The following PANK2 variants were observed in gnomAD, a reference collection of about 807,000 sequenced individuals.
PANK2 encodes the protein pantothenate kinase 2, mitochondrial.
PANK2 carries 36 observed loss-of-function variants against 43.1 expected under a neutral mutation model. The ratio of observed to expected loss-of-function variants is 0.84; its 90% confidence interval spans 0.64 to 1.10. The LOEUF is 1.10. PANK2 is among the 50% of genes least tolerant of loss of function. The pLI is 0.00. For missense variants in PANK2, 576 were observed against 593.3 expected, an observed-to-expected ratio of 0.97 and a Z score of 0.30; for synonymous variants, 281 against 238.2, an observed-to-expected ratio of 1.18 and a Z score of -1.66.
chr20:3,895,429 G>T (rs1322114840), intron 1 of PANK2, among the ~76,000 whole-genome samples: 1 of 151,202 alleles, frequency 6.6e-6, no homozygotes. Flanking sequence ...GTTGCACTGA[G>T]CTATGATCAT....
rs756145631 is a variant in PANK2, at chr20:3,907,951, C to T, written c.324C>T (p.Ile108=). 35 of 1,613,994 alleles carry T rather than the reference C, an allele frequency of 2.2e-5. No individual in the cohort carries two copies. The highest frequency in any genetic ancestry group is 4.5e-5 in the East Asian group (2 of 44,894). The change falls in exon 2 of 7, where the codon ATC becomes ATT. Residue 108 remains isoleucine (I), a synonymous_variant. Coordinates refer to ENST00000610179, the MANE Select transcript of PANK2 (RefSeq NM_001386393.1). ...TTTTTCCATGGTTTGGACTGGATAT[C>T]GGTGGAACTCTGGTCAAGCTGGTAT... is the stretch of plus-strand genomic sequence containing the variant.
intron 3 of PANK2, among the ~76,000 whole-genome samples, chr20:3,911,146 C>T (rs553387495): frequency 1.1e-4 from 16 of 152,282 alleles, no homozygotes; most frequent in Non-Finnish European, 1.9e-4. Context: ...GGAGAAGGCA[C>T]GGGAAAGGAC....
Position 3,889,828 on chromosome 20 carries a change from A to G in PANK2, c.298+100A>G, listed in dbSNP as rs572952471. The stretch of plus-strand genomic sequence containing the variant: ...GCCGCCGTTTTTCCCGCGCGCGGAC[A>G]CTGTCCCCGCACGGTGGTCCCTCGT... On this transcript the variant is annotated intron_variant, in intron 1 of 6. Coordinates refer to ENST00000610179, the MANE Select transcript of PANK2 (RefSeq NM_001386393.1). 2,742 of 1,526,092 alleles carry G rather than the reference A, an allele frequency of 1.8e-3. 34 individuals are homozygous for G. In the African/African-American group the frequency reaches 0.035, roughly 19 times the overall value. 94.5% of individuals were successfully genotyped at this position (1,526,092 alleles called of 1,614,324 possible).
chr20:3,910,683 T>C lies in PANK2; in HGVS notation c.758T>C (p.Phe253Ser), dbSNP rs2146867159. The C allele has an allele frequency of 1.2e-6, 2 of 1,614,190 alleles. No homozygotes were observed. The highest frequency in any genetic ancestry group is 1.1e-5 in the South Asian group (1 of 91,084). Residue 253 changes from phenylalanine to serine, a missense_variant, in exon 3 of 7, where the codon TTT becomes TCT. Physicochemically the swap from Phe to Ser is radical, Grantham distance 155. This residue lies in a region of PANK2 where 544 missense variants were observed against 528.9 expected (regional missense o/e 1.03). Coordinates refer to ENST00000610179, the MANE Select transcript of PANK2 (RefSeq NM_001386393.1). ...AATGGACGGTCACAGTGCTATTACTTTGAAAACCCTGCTGATTCTGAAAAG... is the reference window on the plus strand; with the variant it reads ...AATGGACGGTCACAGTGCTATTACTCTGAAAACCCTGCTGATTCTGAAAAG...
chr20:3,892,954 A>G (rs1211875282), intron 1 of PANK2, among the ~76,000 whole-genome samples: 1 of 152,130 alleles, frequency 6.6e-6, no homozygotes, highest in African/African-American at 2.4e-5. Context: ...GGAGGGGGGT[A>G]TGTCTCGCAG....
chr20:3,892,162 T>C (rs1186450437), intron 1 of PANK2, among the ~76,000 whole-genome samples: 1 of 151,980 alleles, frequency 6.6e-6, no homozygotes, highest in African/African-American at 2.4e-5. Context: ...GGCCAGCATG[T>C]TGAAACCCCG....
chr20:3,908,061 A>G lies in PANK2; in HGVS notation c.434A>G (p.Asn145Ser), dbSNP rs143474105. Residue 145 changes from asparagine to serine, a missense_variant, in exon 2 of 7, where the codon AAT (asparagine) becomes AGT (serine). By Grantham distance (46) the Asn-to-Ser change is conservative. Around this residue, in one of 2 missense-constraint regions of PANK2, gnomAD observed 544 missense variants for 528.9 expected, o/e 1.03. Transcript: ENST00000610179. ...AGCATTCGGAAGTACCTGACCTCCAATGTGGCTTATGGGTCTACAGGCATT... is the reference window on the plus strand; with the variant it reads ...AGCATTCGGAAGTACCTGACCTCCAGTGTGGCTTATGGGTCTACAGGCATT... 48 of 1,614,068 alleles carry G rather than the reference A, an allele frequency of 3.0e-5. No homozygotes were observed. The highest frequency in any genetic ancestry group is 8.0e-5 in the African/African-American group (6 of 74,934).
chr20:3,894,463 C>T (rs1358143081), intron 1 of PANK2, among the ~76,000 whole-genome samples: 16 of 151,918 alleles, frequency 1.1e-4, no homozygotes, highest in Admixed American at 1.1e-3. Flanking sequence ...TGGTCTTGAG[C>T]TCTGGACCTC....
chr20:3,915,019 C>G (rs994598583), intron 4 of PANK2, among the ~76,000 whole-genome samples: 1 of 152,166 alleles, frequency 6.6e-6, no homozygotes, highest in Admixed American at 6.6e-5. Context: ...TTATTGAGTT[C>G]TGGATACAAG....
intron 5 of PANK2, chr20:3,917,464 T>C (rs1263089116): frequency 1.9e-6 from 1 of 534,096 alleles, no homozygotes; most frequent in African/African-American, 2.0e-5. Context: ...GTGCCCTCCT[T>C]GGCTCCCCCA....
At chr20:3,916,013 A>T (rs1041292394) in intron 4 of PANK2, among the ~76,000 whole-genome samples, 2 of 152,234 alleles carry the variant, frequency 1.3e-5, no homozygotes, top group African/African-American at 4.8e-5. Flanking sequence ...AAATAAGACA[A>T]CTGGGATTTT....
chr20:3,917,133 A>T, intron 5 of PANK2, 83 bp downstream of exon 5: 1 of 1,563,796 alleles, frequency 6.4e-7, no homozygotes, highest in Admixed American at 1.7e-5. Flanking sequence ...TTCTCAGAAC[A>T]GTGCCTAAAT....
At chr20:3,905,440 G>A (rs773781525) in intron 1 of PANK2, among the ~76,000 whole-genome samples, 1 of 147,930 alleles carries the variant, frequency 6.8e-6, no homozygotes, top group South Asian at 2.1e-4. Context: ...TCCGCCTCCC[G>A]GGTTCATGCC....
At position 3,916,959 on chromosome 20, in the gene PANK2, A is replaced by G; in HGVS notation, c.1115A>G (p.Glu372Gly). ...AACATGATGAGCAAGGAGAAGCGAGAGGCTGTCAGTAAAGAGGACCTGGCC... is the reference window on the plus strand; with the variant it reads ...AACATGATGAGCAAGGAGAAGCGAGGGGCTGTCAGTAAAGAGGACCTGGCC... Residue 372 changes from glutamate (E) to glycine (G), a missense_variant, in exon 5 of 7, where the codon GAG becomes GGG. Physicochemically the swap from Glu to Gly is moderately conservative, Grantham distance 98. Transcript: ENST00000610179. 6.2e-7 allele frequency: 1 copy of G among 1,614,134 alleles called. No homozygotes were observed. Among genetic ancestry groups the G allele is most frequent in the South Asian group, 1.1e-5 (1 of 91,084 alleles).
At chr20:3,889,168 T>C, upstream of PANK2, 4 of 1,604,016 alleles carry the variant, frequency 2.5e-6, no homozygotes, top group Non-Finnish European at 3.4e-6. Flanking sequence ...TCTTCTGGGC[T>C]ACACCGCCTT....
chr20:3,901,639 T>A (rs1024287142), intron 1 of PANK2: 1 of 965,944 alleles, frequency 1.0e-6, no homozygotes, highest in African/African-American at 1.8e-5. Flanking sequence ...AGTTTCAGAT[T>A]GCTTATTTTT....
chr20:3,889,145 G>A (rs764726817), upstream of PANK2: 4 of 1,575,864 alleles, frequency 2.5e-6, no homozygotes, highest in Non-Finnish European at 3.4e-6. Flanking sequence ...ATTGGGCGGC[G>A]CCGCCATCAC....
At chr20:3,903,667 G>T (rs1323953225) in intron 1 of PANK2, among the ~76,000 whole-genome samples, 2 of 149,266 alleles carry the variant, frequency 1.3e-5, no homozygotes, top group Non-Finnish European at 1.5e-5. Flanking sequence ...TCACTCCGTT[G>T]CCCAGGCTGG....
At chr20:3,901,556 G>C (rs1410658359) in intron 1 of PANK2, 2 of 952,542 alleles carry the variant, frequency 2.1e-6, no homozygotes, top group Non-Finnish European at 2.5e-6. Flanking sequence ...AGACAGAACT[G>C]CTGCTTGCTT....
Sources: gnomAD v4.1 joint callset for allele counts (sites outside exome capture counted in the v4.1 genomes callset) on GRCh38, gnomAD v4.1.1 for gene constraint, gnomAD v4.1.1 regional missense constraint, MANE v1.5 for transcripts, NCBI Gene and HGNC (gene_info 2026-07-23, HGNC 2026-07-21) for gene names.